ASTN1: variants seen among roughly 807,000 people sequenced by gnomAD.
ASTN1 encodes astrotactin-1.
Under a neutral mutation model 140.7 loss-of-function variants are expected in ASTN1, and 41 were observed. The observed-to-expected ratio is 0.29, with a 90% confidence interval of 0.23 to 0.38. The LOEUF (loss-of-function observed/expected upper bound fraction) is 0.38, where lower values mean the gene tolerates loss of function less well. Ranked by LOEUF, ASTN1 falls within the 10% of genes least tolerant of loss-of-function variation. The pLI, the probability that ASTN1 is intolerant of heterozygous loss-of-function variation, is 1.00. For synonymous variants in ASTN1, 640 were observed against 652.2 expected (o/e 0.98, Z 0.29); for missense variants, 1,479 against 1,678.8 (o/e 0.88, Z 2.08).
chr1:176,886,580 G>C (rs926406617), intron 18 of ASTN1, among the ~76,000 whole-genome samples: 1 of 152,354 alleles, frequency 6.6e-6, no homozygotes, highest in African/African-American at 2.4e-5. Context: ...GCCAAAGGCT[G>C]TAGGTATCTA....
At chr1:177,041,991 C>T (rs954125080) in intron 2 of ASTN1, among the ~76,000 whole-genome samples, 4 of 152,170 alleles carry the variant, frequency 2.6e-5, no homozygotes, top group African/African-American at 9.7e-5. Context: ...ATGTAAACAG[C>T]CTATAACATA....
At chr1:177,064,187 A>G (rs1678234141) in intron 1 of ASTN1, among the ~76,000 whole-genome samples, 2 of 152,162 alleles carry the variant, frequency 1.3e-5, no homozygotes, top group Admixed American at 6.5e-5. Context: ...ATCATCTCAG[A>G]GCATGCACAG....
chr1:177,056,038 G>A (rs1196125087), intron 2 of ASTN1, among the ~76,000 whole-genome samples: 11 of 152,144 alleles, frequency 7.2e-5, no homozygotes, highest in African/African-American at 1.7e-4. Flanking sequence ...AATGAGGCAC[G>A]GCTTCAAGCA....
At position 176,861,612 on chromosome 1, in the gene ASTN1, G is replaced by A. The variant is rs1667964559; in HGVS notation, c.*2672C>T. The A allele has an allele frequency of 2.0e-6, 2 of 985,412 alleles. No individual in the cohort carries two copies. Among genetic ancestry groups the A allele is most frequent in the South Asian group, 4.7e-5 (1 of 21,292 alleles). 61.0% of individuals were successfully genotyped at this position (985,412 alleles called of 1,614,324 possible). A position where few individuals can be genotyped will look rare whatever the true frequency, so the allele number is the denominator to read the frequency against. ...CCATCCTAAGATTTTCCCCTGCCCT[G>A]TTCATATCAGCCTTTTTAACTTGAA... On this transcript the variant is annotated 3_prime_UTR_variant, in exon 23 of 23. Coordinates refer to ENST00000361833, the MANE Select transcript of ASTN1 (RefSeq NM_004319.3).
At chr1:176,991,413 C>CAAAAAAAAAAAAAAAAAAAAAAAA (rs1200261285) in intron 8 of ASTN1, among the ~76,000 whole-genome samples, 1 of 109,540 alleles carries the variant, frequency 9.1e-6, no homozygotes, top group Non-Finnish European at 1.9e-5. Context: ...AACTCTGTCT[C>CAAAAAAAAAAAAAAAAAAAAAAAA]AAAAAAAAAA....
intron 1 of ASTN1, among the ~76,000 whole-genome samples, chr1:177,131,697 C>G (rs12084352): frequency 0.16 from 24,285 of 152,060 alleles, 3,969 homozygotes; most frequent in African/African-American, 0.42. Context: ...TGTTGTATAA[C>G]AGAATACCTG....
chr1:176,882,883 C>A lies in ASTN1; in HGVS notation c.3338G>T (p.Cys1113Phe). 1 of 1,614,136 alleles carries A rather than the reference C, an allele frequency of 6.2e-7. No individual in the cohort carries two copies. Among genetic ancestry groups the A allele is most frequent in the South Asian group, 1.1e-5 (1 of 91,078 alleles). ...QLTTISLIIR[C>F]LEPDTIYMFT... ...CATGTAAATGGTGTCAGGTTCCAGGCATCGTATGATCAGAGAGATGGTGGT... is the reference window on the plus strand; with the variant it reads ...CATGTAAATGGTGTCAGGTTCCAGGAATCGTATGATCAGAGAGATGGTGGT... The change falls in exon 20 of 23, where the codon TGC becomes TTC. Residue 1113 changes from cysteine to phenylalanine, a missense_variant. By Grantham distance (205) the Cys-to-Phe change is radical. Transcript: ENST00000361833.
At chr1:176,923,562 T>A (rs1670828263) in intron 16 of ASTN1, among the ~76,000 whole-genome samples, 1 of 152,180 alleles carries the variant, frequency 6.6e-6, no homozygotes, top group African/African-American at 2.4e-5. Context: ...TAAGACATTT[T>A]GAGAGAGAGA....
chr1:177,008,351 C>T (rs61369335), intron 8 of ASTN1, among the ~76,000 whole-genome samples: 24,952 of 150,058 alleles, frequency 0.17, 2,141 homozygotes, highest in Admixed American at 0.19. Context: ...TCATTGACTC[C>T]TAGGGGAAGA....
At chr1:177,109,877 T>C (rs755073613) in intron 1 of ASTN1, among the ~76,000 whole-genome samples, 1 of 152,224 alleles carries the variant, frequency 6.6e-6, no homozygotes, top group Non-Finnish European at 1.5e-5. Context: ...CTTTCCAATT[T>C]CCAATCTTCT....
chr1:176,982,021 G>C (rs1319462326), intron 8 of ASTN1, among the ~76,000 whole-genome samples: 1 of 152,168 alleles, frequency 6.6e-6, no homozygotes, highest in Non-Finnish European at 1.5e-5. Flanking sequence ...AACTGGAAGG[G>C]GAGGTCAGCA....
intron 7 of ASTN1, among the ~76,000 whole-genome samples, chr1:177,019,659 T>C (rs1222214331): frequency 3.3e-5 from 5 of 152,158 alleles, no homozygotes; most frequent in Non-Finnish European, 7.3e-5. Flanking sequence ...TCCCATGCAT[T>C]GGGCTGAGTG....
intron 21 of ASTN1, among the ~76,000 whole-genome samples, chr1:176,874,941 C>T (rs1668500973): frequency 6.6e-6 from 1 of 152,114 alleles, no homozygotes; most frequent in African/African-American, 2.4e-5. Flanking sequence ...AACCATGCTG[C>T]CTCCCAGGTG....
chr1:177,112,413 CT>C (rs1270998724), intron 1 of ASTN1, among the ~76,000 whole-genome samples: 1 of 152,226 alleles, frequency 6.6e-6, no homozygotes, highest in Non-Finnish European at 1.5e-5. Context: ...GAGGCTCTGC[CT>C]GCCACGAGGA....
At chr1:176,922,211 A>C (rs1341841713) in intron 16 of ASTN1, among the ~76,000 whole-genome samples, 1 of 152,154 alleles carries the variant, frequency 6.6e-6, no homozygotes, top group Non-Finnish European at 1.5e-5. Context: ...CCCCATTTGC[A>C]CTTCTGTTGA....
rs541138020 is a variant in ASTN1, at chr1:177,131,380, A to G, written c.283+33014T>C. ...AAAAGTGAAATTTCAGTATTATCCAATAGAATACTTAACATCCATATGCTA... is the reference window on the plus strand; with the variant it reads ...AAAAGTGAAATTTCAGTATTATCCAGTAGAATACTTAACATCCATATGCTA... On this transcript the variant is annotated intron_variant, in intron 1 of 22. Transcript: ENST00000361833. Among the ~76,000 whole-genome samples, 21 of 152,328 alleles carry G rather than the reference A, an allele frequency of 1.4e-4. 1 individual carries two copies. In the South Asian group the frequency reaches 4.1e-3, roughly 30 times the overall value.
At chr1:177,067,485 C>CT (rs1385740972) in intron 1 of ASTN1, among the ~76,000 whole-genome samples, 1 of 152,084 alleles carries the variant, frequency 6.6e-6, no homozygotes, top group Non-Finnish European at 1.5e-5. Flanking sequence ...CTCTTCTGTT[C>CT]TTTTTTTCCT....
chr1:177,058,750 T>C (rs941312040), intron 2 of ASTN1, among the ~76,000 whole-genome samples: 26 of 152,092 alleles, frequency 1.7e-4, no homozygotes, highest in Admixed American at 6.6e-5. Context: ...ATGAGTAAGT[T>C]CTTTAGTGGT....
At chr1:176,901,373 G>C (rs908063680) in intron 16 of ASTN1, among the ~76,000 whole-genome samples, 7 of 152,154 alleles carry the variant, frequency 4.6e-5, no homozygotes, top group Non-Finnish European at 1.0e-4. Context: ...GGTTCAATAT[G>C]GTGAGAAAAT....
Sources: gnomAD v4.1 joint callset for allele counts (sites outside exome capture counted in the v4.1 genomes callset) on GRCh38, gnomAD v4.1.1 for gene constraint, MANE v1.5 for transcripts, NCBI Gene and HGNC (gene_info 2026-07-23, HGNC 2026-07-21) for gene names.